Variants in RBMS3 observed in about 807,000 individuals in gnomAD.
RBMS3 encodes the protein RNA binding motif single stranded interacting protein 3, also known as RNA-binding motif, single-stranded-interacting protein 3.
Under a neutral mutation model 66.8 loss-of-function variants are expected in RBMS3, and 27 were observed. The observed-to-expected ratio is 0.40, with a 90% CI of 0.30 to 0.56. The LOEUF is 0.56. Ranked by LOEUF, RBMS3 falls within the 20% of genes least tolerant of loss-of-function variation. RBMS3 has a pLI of 0.40. For missense variants in RBMS3, 513 were observed against 549.5 expected, an observed-to-expected ratio of 0.93 and a Z score of 0.66; for synonymous variants, 188 against 183.0, an observed-to-expected ratio of 1.03 and a Z score of -0.22.
At chr3:29,837,854 A>G (rs551873631) in intron 6 of RBMS3, among the ~76,000 whole-genome samples, 15 of 151,214 alleles carry the variant, frequency 9.9e-5, no homozygotes, top group Non-Finnish European at 2.2e-4. Context: ...GAGTTCTTCT[A>G]AGTTATAAAC....
chr3:29,750,077 C>CA, intron 5 of RBMS3, among the ~76,000 whole-genome samples: 1 of 152,130 alleles, frequency 6.6e-6, no homozygotes, highest in African/African-American at 2.4e-5. Flanking sequence ...ATGTTGCAAA[C>CA]AAAAAAGTCA....
intron 5 of RBMS3, among the ~76,000 whole-genome samples, chr3:29,754,000 C>T (rs1005922103): frequency 1.3e-5 from 2 of 151,868 alleles, no homozygotes; most frequent in Non-Finnish European, 2.9e-5. Flanking sequence ...TTCTGTCACC[C>T]AGGCTACAGT....
intron 3 of RBMS3, 37 bp downstream of exon 3, chr3:29,488,536 TA>T (rs1300644794): frequency 6.4e-7 from 1 of 1,558,150 alleles, no homozygotes; most frequent in African/African-American, 1.4e-5. Flanking sequence ...AAATCTTGCC[TA>T]TGCTATCTGA....
At chr3:29,389,361 G>T (rs1413135197) in intron 1 of RBMS3, among the ~76,000 whole-genome samples, 1 of 152,172 alleles carries the variant, frequency 6.6e-6, no homozygotes, top group Non-Finnish European at 1.5e-5. Flanking sequence ...TCACTCTTCT[G>T]CTGCAGAAGT....
intron 1 of RBMS3, among the ~76,000 whole-genome samples, chr3:29,341,395 C>G (rs910867517): frequency 7.2e-5 from 11 of 152,136 alleles, no homozygotes; most frequent in African/African-American, 2.4e-4. Flanking sequence ...AGGATTTGAA[C>G]ACTTATTTGT....
Position 29,835,454 on chromosome 3 carries a change from A to C in RBMS3, c.638-33404A>C, listed in dbSNP as rs538819677. ...CATATTTCTGACCCACAGTAGTATA[A>C]AACTAGAGATCAATAACAGGAAGTA... is the stretch of plus-strand genomic sequence containing the variant. On this transcript the variant is annotated intron_variant, in intron 6 of 14. Transcript: ENST00000383767. Among the ~76,000 whole-genome samples the C allele has an allele frequency of 5.9e-5, 9 of 152,126 alleles. No homozygotes were observed. In the East Asian group the frequency reaches 1.7e-3, roughly 29 times the overall value.
intron 5 of RBMS3, among the ~76,000 whole-genome samples, chr3:29,751,848 C>T (rs368947551): frequency 3.3e-5 from 5 of 152,132 alleles, no homozygotes; most frequent in Non-Finnish European, 7.4e-5. Flanking sequence ...GTGCAGGAGC[C>T]GGGGCAAGTG....
At chr3:29,533,501 G>T (rs545941997) in intron 3 of RBMS3, among the ~76,000 whole-genome samples, 3 of 151,730 alleles carry the variant, frequency 2.0e-5, no homozygotes, top group Non-Finnish European at 4.4e-5. Context: ...ATAGGGCCCG[G>T]CATGGTGGCT....
intron 4 of RBMS3, among the ~76,000 whole-genome samples, chr3:29,640,305 G>T (rs9838860): frequency 1.3e-5 from 2 of 150,316 alleles, no homozygotes; most frequent in East Asian, 2.0e-4. Flanking sequence ...CACGAAAGAC[G>T]GAAAGAAAAC....
intron 3 of RBMS3, among the ~76,000 whole-genome samples, chr3:29,585,107 A>G (rs1311951083): frequency 2.0e-5 from 3 of 152,104 alleles, no homozygotes; most frequent in Admixed American, 6.6e-5. Context: ...TTCTCCCACC[A>G]CTATATACCC....
intron 5 of RBMS3, among the ~76,000 whole-genome samples, chr3:29,749,421 AT>A (rs1026212989): frequency 6.6e-6 from 1 of 152,196 alleles, no homozygotes; most frequent in Non-Finnish European, 1.5e-5. Context: ...TCTTGGCCTG[AT>A]TATTTGTATA....
intron 6 of RBMS3, among the ~76,000 whole-genome samples, chr3:29,813,940 A>T (rs1434328910): frequency 6.6e-6 from 1 of 152,024 alleles, no homozygotes; most frequent in Non-Finnish European, 1.5e-5. Flanking sequence ...GGACAATTTG[A>T]CTTCCTCTTT....
intron 3 of RBMS3, among the ~76,000 whole-genome samples, chr3:29,586,806 T>C (rs1383328003): frequency 1.3e-5 from 2 of 152,132 alleles, no homozygotes; most frequent in East Asian, 3.9e-4. Context: ...CCATAATCCA[T>C]GAAGAAAGAA....
Position 29,860,388 on chromosome 3 carries a change from G to A in RBMS3, c.638-8470G>A, listed in dbSNP as rs538579421. On this transcript the variant is annotated intron_variant, in intron 6 of 14. Coordinates refer to ENST00000383767, the MANE Select transcript of RBMS3 (RefSeq NM_001003793.3). ...TTGTTTTTATCCAGAGTAAGTGACC[G>A]TTGACTTGTTTTCCATGTGCTAGTT... Among the ~76,000 whole-genome samples, 8 of 152,234 alleles carry A rather than the reference G, an allele frequency of 5.3e-5. No homozygotes were observed. The South Asian group carries it at 8.3e-4, about 16-fold the overall frequency.
chr3:29,482,708 T>TTTTC (rs2043178625), intron 2 of RBMS3, among the ~76,000 whole-genome samples: 1 of 119,252 alleles, frequency 8.4e-6, no homozygotes, highest in Non-Finnish European at 1.7e-5. Flanking sequence ...TTTCTTTTTT[T>TTTTC]TTTTTTTTTT....
At chr3:29,369,487 A>AACACACACACACAC (rs59274434) in intron 1 of RBMS3, among the ~76,000 whole-genome samples, 1,356 of 135,306 alleles carry the variant, frequency 0.01, 16 homozygotes, top group East Asian at 0.018. Flanking sequence ...ATCACTCCTT[A>AACACACACACACAC]ACACACACAC....
chr3:29,686,122 G>A (rs1378035533), intron 4 of RBMS3, among the ~76,000 whole-genome samples: 2 of 152,162 alleles, frequency 1.3e-5, no homozygotes, highest in African/African-American at 4.8e-5. Context: ...ATATTCAGGA[G>A]GGCTTCTATA....
At chr3:29,640,554 T>C (rs1166328704) in intron 4 of RBMS3, among the ~76,000 whole-genome samples, 1 of 151,958 alleles carries the variant, frequency 6.6e-6, no homozygotes, top group Non-Finnish European at 1.5e-5. Context: ...ATAAAATCCC[T>C]GGGTTCTTGA....
In RBMS3 at chr3:29,281,820, G is replaced by A. The variant is rs2031817470; in HGVS notation, c.75+64G>A. On this transcript the variant is annotated intron_variant, in intron 1 of 14. Coordinates refer to ENST00000383767, the MANE Select transcript of RBMS3 (RefSeq NM_001003793.3). ...CGTTCTGCACTTGGGATGGGAAACA[G>A]ACAGGCGTGTGAATTATTAGTTAAC... is the stretch of plus-strand genomic sequence containing the variant. The A allele has an allele frequency of 4.3e-6, 6 of 1,389,458 alleles. No individual in the cohort carries two copies. In the South Asian group the frequency reaches 6.1e-5, roughly 14 times the overall value. 86.1% of individuals were successfully genotyped at this position (1,389,458 alleles called of 1,614,324 possible).
Sources: gnomAD v4.1 joint callset for allele counts (sites outside exome capture counted in the v4.1 genomes callset) on GRCh38, gnomAD v4.1.1 for gene constraint, MANE v1.5 for transcripts, NCBI Gene and HGNC (gene_info 2026-07-23, HGNC 2026-07-21) for gene names.